Variants in FSIP1 observed in about 807,000 individuals in gnomAD.
FSIP1 encodes the protein fibrous sheath interacting protein 1, also known as fibrous sheath-interacting protein 1.
In FSIP1, 65 loss-of-function variants were observed where a neutral mutation model predicts 60.9. The observed-to-expected ratio is 1.07, with a 90% confidence interval of 0.87 to 1.31. The LOEUF (loss-of-function observed/expected upper bound fraction) is 1.31, where lower values mean the gene tolerates loss of function less well. FSIP1 is among the 40% of genes most tolerant of loss of function. The pLI is 0.00. For synonymous variants in FSIP1, 209 were observed against 221.2 expected (o/e 0.94, Z 0.49); for missense variants, 675 against 665.5 (o/e 1.01, Z -0.16).
intron 5 of FSIP1, among the ~76,000 whole-genome samples, chr15:39,756,336 T>C (rs756669300): frequency 6.6e-6 from 1 of 152,122 alleles, no homozygotes; most frequent in Non-Finnish European, 1.5e-5. Flanking sequence ...GAAATTGCCA[T>C]TCAGCCATCA....
At chr15:39,707,106 C>T (rs906298017) in intron 10 of FSIP1, among the ~76,000 whole-genome samples, 5 of 152,094 alleles carry the variant, frequency 3.3e-5, no homozygotes, top group African/African-American at 1.2e-4. Context: ...AGTTCCTCTG[C>T]CCCCTTGATC....
At position 39,618,249 on chromosome 15, in the gene FSIP1, A is replaced by G. The variant is rs1182675431; in HGVS notation, c.1189-4T>C. On this transcript the variant is annotated splice_polypyrimidine_tract_variant and splice_region_variant and intron_variant, in intron 10 of 11. Transcript: ENST00000350221. ...AGAGACATGATGTGGACTCTAACTG[A>G]TGAAACAAACCAAAAGATTACATAG... 6.3e-7 allele frequency: 1 copy of G among 1,588,306 alleles called. No individual in the cohort carries two copies.
chr15:39,714,987 A>G (rs1451280706), intron 9 of FSIP1, among the ~76,000 whole-genome samples: 1 of 151,126 alleles, frequency 6.6e-6, no homozygotes, highest in African/African-American at 2.4e-5. Context: ...AAAAAAAAAA[A>G]AAAAAGGACT....
At chr15:39,621,291 T>C (rs1211429181) in intron 10 of FSIP1, among the ~76,000 whole-genome samples, 2 of 152,202 alleles carry the variant, frequency 1.3e-5, no homozygotes, top group Non-Finnish European at 2.9e-5. Context: ...TGAGAGGCCC[T>C]GAGCTGAATC....
intron 10 of FSIP1, among the ~76,000 whole-genome samples, chr15:39,672,975 C>T (rs1893779966): frequency 6.6e-6 from 1 of 152,160 alleles, no homozygotes; most frequent in Non-Finnish European, 1.5e-5. Flanking sequence ...GAACATTCCG[C>T]ACAAAGTGTC....
chr15:39,706,049 C>G (rs139209355), intron 10 of FSIP1, among the ~76,000 whole-genome samples: 1 of 151,278 alleles, frequency 6.6e-6, no homozygotes, highest in Non-Finnish European at 1.5e-5. Context: ...ACAAAGTCCA[C>G]GTACTTGTCA....
intron 2 of FSIP1, among the ~76,000 whole-genome samples, chr15:39,773,822 G>C (rs1897967182): frequency 1.3e-5 from 2 of 152,166 alleles, no homozygotes; most frequent in Admixed American, 6.5e-5. Flanking sequence ...AAAGAAGAGA[G>C]ACAGGGAATA....
rs142338318 is a variant in FSIP1, at chr15:39,703,791, A to T, written c.1188+9653T>A. On this transcript the variant is annotated intron_variant, in intron 10 of 11. Coordinates refer to ENST00000350221, the MANE Select transcript of FSIP1 (RefSeq NM_152597.5). ...AAATAAAAACATTTTCCTCTCAAAG[A>T]ACTCCAGCTAATTATGTTTTAAATT... Among the ~76,000 whole-genome samples, 28 of 151,090 alleles carry T rather than the reference A, an allele frequency of 1.9e-4. No homozygotes were observed. The East Asian group carries it at 5.3e-3, about 28-fold the overall frequency.
chr15:39,653,717 G>A (rs1236105376), intron 10 of FSIP1, among the ~76,000 whole-genome samples: 1 of 152,054 alleles, frequency 6.6e-6, no homozygotes, highest in Non-Finnish European at 1.5e-5. Flanking sequence ...TTAAAAGGGG[G>A]AATTTCCTTG....
intron 10 of FSIP1, among the ~76,000 whole-genome samples, chr15:39,690,172 T>G (rs1566886518): frequency 1.3e-5 from 2 of 152,200 alleles, no homozygotes; most frequent in Non-Finnish European, 2.9e-5. Context: ...CTGGGAGCTA[T>G]GGCGAGAGAT....
rs573422590 is a variant in FSIP1, at chr15:39,616,848, T to C, written c.1699+887A>G. The stretch of plus-strand genomic sequence containing the variant: ...GCAGGGAGGTCTGGGAGAAGGGTTA[T>C]GGCATTGGTCCAGTTGAAGTTGTAG... On this transcript the variant is annotated intron_variant, in intron 11 of 11. Coordinates refer to ENST00000350221, the MANE Select transcript of FSIP1 (RefSeq NM_152597.5). Among the ~76,000 whole-genome samples, 6 of 152,258 alleles carry C rather than the reference T, an allele frequency of 3.9e-5. No homozygotes were observed. In the East Asian group the frequency reaches 5.8e-4, roughly 15 times the overall value.
chr15:39,728,447 C>T (rs1896281498), intron 8 of FSIP1, among the ~76,000 whole-genome samples: 1 of 152,108 alleles, frequency 6.6e-6, no homozygotes, highest in Non-Finnish European at 1.5e-5. Flanking sequence ...GACACATAGA[C>T]CAATGGAACA....
intron 10 of FSIP1, among the ~76,000 whole-genome samples, chr15:39,684,226 G>A (rs1894275951): frequency 6.6e-6 from 1 of 152,130 alleles, no homozygotes; most frequent in Admixed American, 6.5e-5. Flanking sequence ...GTGTGGTATT[G>A]GCAAAGGAAC....
intron 10 of FSIP1, among the ~76,000 whole-genome samples, chr15:39,674,729 A>C (rs1327734474): frequency 6.6e-6 from 1 of 152,228 alleles, no homozygotes; most frequent in Non-Finnish European, 1.5e-5. Context: ...GCATATCTTT[A>C]AAATGTTTAG....
At chr15:39,747,419 T>C (rs1897036551) in intron 5 of FSIP1, 1 of 152,218 alleles carries the variant, frequency 6.6e-6, no homozygotes, top group Admixed American at 6.5e-5. Context: ...CATACATTTC[T>C]TTCTGTTCAC....
At chr15:39,731,623 A>C in intron 8 of FSIP1, among the ~76,000 whole-genome samples, 1 of 152,356 alleles carries the variant, frequency 6.6e-6, no homozygotes. Flanking sequence ...AAATGGCATC[A>C]TCATTTTTTT....
chr15:39,617,826 G>C lies in FSIP1; in HGVS notation c.1608C>G (p.Ser536=). 6.2e-7 allele frequency: 1 copy of C among 1,613,592 alleles called. No homozygotes were observed. The highest frequency in any genetic ancestry group is 8.5e-7 in the Non-Finnish European group (1 of 1,179,960). ...TLGIGRLKRP[S]FLDDPLYGIS... ...TACCATACAGTGGATCATCTAAGAA[G>C]GAGGGCCTTTTCAGTCTCCCAATGC... Residue 536 remains serine (S), a synonymous_variant, in exon 11 of 12, where the codon TCC becomes TCG. Coordinates refer to ENST00000350221, the MANE Select transcript of FSIP1 (RefSeq NM_152597.5).
intron 10 of FSIP1, among the ~76,000 whole-genome samples, chr15:39,712,691 C>G (rs1227430596): frequency 2.0e-5 from 3 of 152,144 alleles, no homozygotes; most frequent in African/African-American, 2.4e-5. Context: ...TGAAAACATT[C>G]TATGGGTAGT....
At chr15:39,723,569 G>C (rs1896070046) in intron 9 of FSIP1, among the ~76,000 whole-genome samples, 1 of 152,194 alleles carries the variant, frequency 6.6e-6, no homozygotes, top group African/African-American at 2.4e-5. Context: ...TTATTTGCCT[G>C]ATTCATCTTT....
Sources: allele counts gnomAD v4.1 joint callset (sites outside exome capture counted in the v4.1 genomes callset), GRCh38; gene constraint gnomAD v4.1.1; transcripts MANE v1.5; gene names NCBI Gene and HGNC (gene_info 2026-07-23, HGNC 2026-07-21).